The following SRGAP1 variants were observed in gnomAD, a reference collection of about 807,000 sequenced individuals.
The protein encoded by SRGAP1 is SLIT-ROBO Rho GTPase activating protein 1, also known as SLIT-ROBO Rho GTPase-activating protein 1.
A neutral mutation model predicts 121.9 loss-of-function variants in SRGAP1; 43 were observed. That is an observed-to-expected ratio of 0.35 (90% CI 0.28 to 0.46). SRGAP1 has a LOEUF of 0.46. Among genes scored for constraint, SRGAP1 ranks in the 20% least tolerant of loss-of-function variants. The pLI, the probability that SRGAP1 is intolerant of heterozygous loss-of-function variation, is 1.00. For synonymous variants in SRGAP1, 447 were observed against 485.4 expected (o/e 0.92, Z 1.04); for missense variants, 1,102 against 1,350.9 (o/e 0.82, Z 2.89).
intron 1 of SRGAP1, among the ~76,000 whole-genome samples, chr12:63,875,743 T>G (rs1900008720): frequency 1.3e-5 from 2 of 152,234 alleles, no homozygotes; most frequent in Non-Finnish European, 2.9e-5. Flanking sequence ...TCCGTAATTC[T>G]TTGTAAGAAC....
chr12:63,978,393 A>G (rs891394754), intron 1 of SRGAP1, among the ~76,000 whole-genome samples: 3 of 152,080 alleles, frequency 2.0e-5, no homozygotes, highest in African/African-American at 7.2e-5. Context: ...ACTCTAGGCA[A>G]CCCCTAATCT....
In SRGAP1 at chr12:63,844,827, C is replaced by T; in HGVS notation, c.11C>T (p.Pro4Leu). Residue 4 changes from proline (P) to leucine (L), a missense_variant, in exon 1 of 22, where the codon CCG becomes CTG. This residue lies in a region of SRGAP1 where 747 missense variants were observed against 929.4 expected (regional missense o/e 0.80). Transcript: ENST00000355086. This position sits in a 1 kb window ranked among gnomAD's most constrained non-coding sequence, Gnocchi z 4.3. MSTPSRFKKDKEII... is the reference protein window; with the variant it reads MSTLSRFKKDKEII... ...CGGAACAGCTGGATAATGTCCACCC[C>T]GAGCCGATTCAAGAAGGACAAAGAG... The T allele has an allele frequency of 6.2e-7, 1 of 1,613,238 alleles. No homozygotes were observed. Among genetic ancestry groups the T allele is most frequent in the Non-Finnish European group, 8.5e-7 (1 of 1,179,972 alleles).
At chr12:63,958,451 G>A (rs1445773173) in intron 1 of SRGAP1, among the ~76,000 whole-genome samples, 1 of 152,200 alleles carries the variant, frequency 6.6e-6, no homozygotes, top group Non-Finnish European at 1.5e-5. Flanking sequence ...TCTACTAGGT[G>A]TTGCAGGCTG....
In SRGAP1 at chr12:64,097,372, A is replaced by G. The variant is rs760609170; in HGVS notation, c.1810A>G (p.Ile604Val). 5.6e-6 allele frequency: 9 copies of G among 1,604,826 alleles called. No homozygotes were observed. The South Asian group carries it at 1.0e-4, about 18-fold the overall frequency. Residue 604 changes from isoleucine (I) to valine (V), a missense_variant, in exon 15 of 22, where the codon ATC becomes GTC. By Grantham distance (29) the Ile-to-Val change is conservative. This residue lies in a region of SRGAP1 where 747 missense variants were observed against 929.4 expected (regional missense o/e 0.80). Transcript: ENST00000355086. ...KERFNDLISC[I>V]RIDNLYERAL... Reference sequence around the variant, plus strand: ...AAGATTTAACGATCTGATTTCTTGTATCAGTAAGTGGACATTTTTTTCATC... The same window carrying G: ...AAGATTTAACGATCTGATTTCTTGTGTCAGTAAGTGGACATTTTTTTCATC...
intron 1 of SRGAP1, among the ~76,000 whole-genome samples, chr12:63,847,896 T>G (rs1898953715): frequency 6.6e-6 from 1 of 152,024 alleles, no homozygotes; most frequent in South Asian, 2.1e-4. Context: ...CCTGTTACTC[T>G]CTCCCATTTT....
At chr12:63,882,641 A>G (rs1381995122) in intron 1 of SRGAP1, among the ~76,000 whole-genome samples, 1 of 152,186 alleles carries the variant, frequency 6.6e-6, no homozygotes, top group East Asian at 1.9e-4. Flanking sequence ...ATCCATTCTA[A>G]TCACTCAAAA....
At chr12:64,061,066 A>G (rs1183376219) in intron 6 of SRGAP1, among the ~76,000 whole-genome samples, 1 of 152,192 alleles carries the variant, frequency 6.6e-6, no homozygotes, top group East Asian at 1.9e-4. Context: ...TTATGTACAA[A>G]TTGAAAATGA....
Position 64,016,415 on chromosome 12 carries a change from G to T in SRGAP1, c.427-535G>T, listed in dbSNP as rs1260483312. On this transcript the variant is annotated intron_variant, in intron 3 of 21. Transcript: ENST00000355086. ...GGTGGGAGGATTGCTTGAACCCAGGGGTTCAAGGTTGCGGTGAGCTGTGAG... is the reference window on the plus strand; with the variant it reads ...GGTGGGAGGATTGCTTGAACCCAGGTGTTCAAGGTTGCGGTGAGCTGTGAG... 2.6e-5 allele frequency among the ~76,000 whole-genome samples: 4 copies of T among 152,178 alleles called. No homozygotes were observed. In the East Asian group the frequency reaches 7.7e-4, roughly 29 times the overall value.
At chr12:64,035,199 T>C (rs2034877041) in intron 4 of SRGAP1, among the ~76,000 whole-genome samples, 1 of 152,330 alleles carries the variant, frequency 6.6e-6, no homozygotes, top group Non-Finnish European at 1.5e-5. Context: ...ATCCTTTATA[T>C]AAATGAAATA....
chr12:63,890,288 G>A (rs1258411805), intron 1 of SRGAP1, among the ~76,000 whole-genome samples: 1 of 152,202 alleles, frequency 6.6e-6, no homozygotes, highest in East Asian at 1.9e-4. Context: ...GCTGGAGAGA[G>A]GCCAAAGGCA....
intron 4 of SRGAP1, among the ~76,000 whole-genome samples, chr12:64,035,075 A>T (rs1031336210): frequency 3.3e-5 from 5 of 151,868 alleles, no homozygotes; most frequent in African/African-American, 1.2e-4. Context: ...AAGAAAAAAA[A>T]CTTTCTGGTT....
At chr12:64,025,708 C>G (rs1000678220) in intron 4 of SRGAP1, among the ~76,000 whole-genome samples, 1 of 152,146 alleles carries the variant, frequency 6.6e-6, no homozygotes, top group Non-Finnish European at 1.5e-5. Context: ...AAAGGATTTC[C>G]GTACCTCCTT....
At chr12:64,084,583 A>G (rs2035906064) in intron 10 of SRGAP1, among the ~76,000 whole-genome samples, 1 of 152,160 alleles carries the variant, frequency 6.6e-6, no homozygotes, top group African/African-American at 2.4e-5. Context: ...TAGTGTGGTT[A>G]TACTGTGAAT....
At position 64,114,331 on chromosome 12, in the gene SRGAP1, C is replaced by CTT. The variant is rs957049187; in HGVS notation, c.2145-1458_2145-1457dup. On this transcript the variant is annotated intron_variant, in intron 17 of 21. Coordinates refer to ENST00000355086, the MANE Select transcript of SRGAP1 (RefSeq NM_020762.4). The stretch of plus-strand genomic sequence containing the variant: ...AGGCCAGTACCAAAGATATGGTTAG[C>CTT]TTTTTTTTTTTTTTTTTTTTTTTTT... Among the ~76,000 whole-genome samples, 228 of 89,258 alleles carry CTT rather than the reference C, an allele frequency of 2.6e-3. 10 individuals carry two copies. Among genetic ancestry groups the CTT allele is most frequent in the Non-Finnish European group, 3.3e-3 (149 of 45,216 alleles). 58.6% of individuals were successfully genotyped at this position (89,258 alleles called of 152,430 possible).
chr12:64,025,385 G>A (rs979308083), intron 4 of SRGAP1, among the ~76,000 whole-genome samples: 4 of 152,070 alleles, frequency 2.6e-5, no homozygotes, highest in South Asian at 2.1e-4. Flanking sequence ...ACCTCATATC[G>A]GAAGATTTTT....
intron 10 of SRGAP1, among the ~76,000 whole-genome samples, chr12:64,083,015 A>G (rs2035875271): frequency 6.6e-6 from 1 of 152,180 alleles, no homozygotes; most frequent in South Asian, 2.1e-4. Flanking sequence ...GCCCAGAGAA[A>G]AGCTGAGCAT....
chr12:63,849,162 A>G (rs766717120), intron 1 of SRGAP1, among the ~76,000 whole-genome samples: 35 of 152,236 alleles, frequency 2.3e-4, no homozygotes, highest in Admixed American at 6.5e-4. Flanking sequence ...GAAAGCAAGC[A>G]TGTCTGGAAA....
At chr12:63,871,172 C>T (rs1301720736) in intron 1 of SRGAP1, among the ~76,000 whole-genome samples, 1 of 152,184 alleles carries the variant, frequency 6.6e-6, no homozygotes, top group African/African-American at 2.4e-5. Context: ...TGCTAATTTT[C>T]CTCCCAATTT....
chr12:64,092,973 C>T (rs187424560), intron 12 of SRGAP1, among the ~76,000 whole-genome samples: 76 of 152,214 alleles, frequency 5.0e-4, no homozygotes, highest in African/African-American at 1.4e-3. Context: ...GGAAAATTCA[C>T]TTATAGGAGC....
Sources: allele counts gnomAD v4.1 joint callset (sites outside exome capture counted in the v4.1 genomes callset), GRCh38; gene constraint gnomAD v4.1.1; regional missense constraint gnomAD v4.1.1; non-coding constraint Gnocchi (gnomAD v3.1); transcripts MANE v1.5; gene names NCBI Gene and HGNC (gene_info 2026-07-23, HGNC 2026-07-21).